Variants in UST observed in about 807,000 individuals in gnomAD.
UST encodes the protein chondroitin sulfate 2-O-sulfotransferase.
In UST, 21 loss-of-function variants were observed where a neutral mutation model predicts 45.6. The ratio of observed to expected loss-of-function variants is 0.46; its 90% CI spans 0.33 to 0.66. The LOEUF (loss-of-function observed/expected upper bound fraction) is 0.66. Among genes scored for constraint, UST ranks in the 30% least tolerant of loss-of-function variants. The pLI is 0.02. For missense variants in UST, 463 were observed against 512.4 expected (o/e 0.90, Z 0.93); for synonymous variants, 215 against 200.6 (o/e 1.07, Z -0.61).
At chr6:148,766,481 T>C (rs923702114) in intron 1 of UST, among the ~76,000 whole-genome samples, 1 of 152,188 alleles carries the variant, frequency 6.6e-6, no homozygotes, top group Non-Finnish European at 1.5e-5. Flanking sequence ...CAAATGCTCA[T>C]CAAGCACCAG....
At chr6:148,957,049 G>A (rs9498183) in intron 4 of UST, among the ~76,000 whole-genome samples, 29,178 of 152,150 alleles carry the variant, frequency 0.19, 3,170 homozygotes, top group Admixed American at 0.29. Context: ...AGGGCCAAGA[G>A]GAACTGAAAG....
chr6:148,994,338 T>C (rs980869640), intron 5 of UST, among the ~76,000 whole-genome samples: 14 of 152,170 alleles, frequency 9.2e-5, no homozygotes, highest in African/African-American at 3.4e-4. Context: ...TCTACATTCT[T>C]GGTGGAATGG....
At chr6:148,833,495 A>G (rs891306518) in intron 1 of UST, among the ~76,000 whole-genome samples, 3 of 152,230 alleles carry the variant, frequency 2.0e-5, no homozygotes, top group African/African-American at 7.2e-5. Flanking sequence ...TGAAAAAACA[A>G]AAACCAAAAA....
intron 1 of UST, among the ~76,000 whole-genome samples, chr6:148,810,690 C>T (rs2114729602): frequency 6.6e-6 from 1 of 152,228 alleles, no homozygotes; most frequent in South Asian, 2.1e-4. Flanking sequence ...CTCTACAGTC[C>T]CTAAAACTAT....
intron 5 of UST, among the ~76,000 whole-genome samples, chr6:148,995,491 C>T (rs755005126): frequency 2.0e-5 from 3 of 152,202 alleles, no homozygotes; most frequent in South Asian, 4.1e-4. Flanking sequence ...GTGTTCTAGT[C>T]GCATTACAAA....
chr6:149,053,831 G>T (rs939678286), intron 7 of UST, among the ~76,000 whole-genome samples: 3 of 152,202 alleles, frequency 2.0e-5, no homozygotes, highest in Non-Finnish European at 4.4e-5. Flanking sequence ...CAGCTAAAAA[G>T]TACAAGAATT....
intron 2 of UST, among the ~76,000 whole-genome samples, chr6:148,937,547 A>G (rs572688940): frequency 1.3e-5 from 2 of 152,342 alleles, no homozygotes; most frequent in East Asian, 3.9e-4. Flanking sequence ...AAAGAATCAG[A>G]TAGATACTAA....
chr6:148,911,189 G>C (rs1779467681), intron 2 of UST, among the ~76,000 whole-genome samples: 1 of 152,118 alleles, frequency 6.6e-6, no homozygotes, highest in Admixed American at 6.5e-5. Context: ...ATTGCCCCAG[G>C]ATCGTGTGTC....
At chr6:148,932,899 G>A (rs531517919) in intron 2 of UST, among the ~76,000 whole-genome samples, 76 of 152,322 alleles carry the variant, frequency 5.0e-4, no homozygotes, top group African/African-American at 1.8e-3. Flanking sequence ...TAAGTATTGT[G>A]TAGCCCTCGG....
intron 5 of UST, among the ~76,000 whole-genome samples, chr6:148,992,397 G>A (rs998772880): frequency 4.6e-5 from 7 of 152,224 alleles, no homozygotes; most frequent in Non-Finnish European, 8.8e-5. Flanking sequence ...TGAACCCGAG[G>A]GGCGGAGCTT....
At chr6:149,007,013 C>T (rs1278697242) in intron 5 of UST, among the ~76,000 whole-genome samples, 1 of 151,942 alleles carries the variant, frequency 6.6e-6, no homozygotes, top group Non-Finnish European at 1.5e-5. Flanking sequence ...TGAATGACTT[C>T]TCTTAACTGG....
intron 1 of UST, among the ~76,000 whole-genome samples, chr6:148,802,990 T>C (rs1777080143): frequency 6.6e-6 from 1 of 152,214 alleles, no homozygotes; most frequent in Non-Finnish European, 1.5e-5. Flanking sequence ...TTTTATATTA[T>C]TGATGATGGT....
chr6:149,009,810 A>G lies in UST; in HGVS notation c.682-9329A>G, dbSNP rs771526500. On this transcript the variant is annotated intron_variant, in intron 5 of 7. Coordinates refer to ENST00000367463, the MANE Select transcript of UST (RefSeq NM_005715.3). ...AGAACAAGAGACAGTTGCTTTCATTATACCTTTTGTCTTTTTTTTTTTTGA... is the reference window on the plus strand; with the variant it reads ...AGAACAAGAGACAGTTGCTTTCATTGTACCTTTTGTCTTTTTTTTTTTTGA... Among the ~76,000 whole-genome samples the G allele has an allele frequency of 1.9e-4, 29 of 150,252 alleles. 1 individual carries two copies. The highest frequency in any genetic ancestry group is 3.7e-4 in the Non-Finnish European group (25 of 67,928).
chr6:149,050,613 G>A (rs1210587835), intron 7 of UST, among the ~76,000 whole-genome samples: 1 of 152,056 alleles, frequency 6.6e-6, no homozygotes, highest in Non-Finnish European at 1.5e-5. Flanking sequence ...GTGAAGTTTA[G>A]GCTTGATATT....
chr6:149,053,673 T>C (rs541724199), intron 7 of UST, among the ~76,000 whole-genome samples: 24 of 152,350 alleles, frequency 1.6e-4, no homozygotes, highest in African/African-American at 5.5e-4. Context: ...CTGTATGAAA[T>C]TGAGAACTAA....
chr6:148,803,015 T>A (rs1463201380), intron 1 of UST, among the ~76,000 whole-genome samples: 1 of 152,158 alleles, frequency 6.6e-6, no homozygotes, highest in Admixed American at 6.5e-5. Flanking sequence ...GTATGAACAT[T>A]TTTATTATTA....
In UST at chr6:149,042,956, TTTCTTTCTTTCTTTC is replaced by T. The variant is rs772563631; in HGVS notation, c.937+21478_937+21492del. 9.1e-3 allele frequency among the ~76,000 whole-genome samples: 661 copies of T among 72,570 alleles called. 5 individuals are homozygous for T. Among genetic ancestry groups the T allele is most frequent in the Middle Eastern group, 0.021 (3 of 140 alleles). The allele number at this position is 72,570 out of a possible 152,430, so 47.6% of individuals were successfully genotyped here. ...CTTTCAGCTGCTCCATCACCATCCT[TTTCTTTCTTTCTTTC>T]TTTCTTTCTTTCTTTCTTTCTTTCT... On this transcript the variant is annotated intron_variant, in intron 7 of 7. Transcript: ENST00000367463.
chr6:148,854,081 T>C (rs970640910), intron 1 of UST, among the ~76,000 whole-genome samples: 1 of 152,184 alleles, frequency 6.6e-6, no homozygotes, highest in African/African-American at 2.4e-5. Context: ...AACAAAAAGG[T>C]TTTTTTAAAT....
intron 2 of UST, among the ~76,000 whole-genome samples, chr6:148,903,746 A>AT (rs1268673856): frequency 6.6e-6 from 1 of 152,158 alleles, no homozygotes; most frequent in East Asian, 1.9e-4. Flanking sequence ...TGACTCTAAT[A>AT]TTTTTTCTGG....
Sources: gnomAD v4.1 joint callset for allele counts (sites outside exome capture counted in the v4.1 genomes callset) on GRCh38, gnomAD v4.1.1 for gene constraint, MANE v1.5 for transcripts, NCBI Gene and HGNC (gene_info 2026-07-23, HGNC 2026-07-21) for gene names.